SNTG1: variants seen among roughly 807,000 people sequenced by gnomAD.
The protein encoded by SNTG1 is syntrophin gamma 1.
A neutral mutation model predicts 74.7 loss-of-function variants in SNTG1; 39 were observed. The ratio of observed to expected loss-of-function variants is 0.52; its 90% CI spans 0.40 to 0.68. The LOEUF is 0.68. Among genes scored for constraint, SNTG1 ranks in the 30% least tolerant of loss-of-function variants. The pLI, the probability that SNTG1 is intolerant of heterozygous loss-of-function variation, is 0.00. For missense variants in SNTG1, 685 were observed against 609.5 expected, an observed-to-expected ratio of 1.12 and a Z score of -1.30; for synonymous variants, 254 against 217.1, an observed-to-expected ratio of 1.17 and a Z score of -1.49.
chr8:50,113,113 T>C (rs574694972), intron 1 of SNTG1, among the ~76,000 whole-genome samples: 56 of 152,240 alleles, frequency 3.7e-4, no homozygotes, highest in Non-Finnish European at 7.6e-4. Flanking sequence ...AATTTTAAAG[T>C]AGTTTTTTTC....
intron 1 of SNTG1, among the ~76,000 whole-genome samples, chr8:49,998,209 T>C (rs1203010072): frequency 2.6e-5 from 4 of 152,124 alleles, no homozygotes; most frequent in Non-Finnish European, 2.9e-5. Flanking sequence ...TATGCTTATA[T>C]TGGGAACTTA....
At chr8:50,105,806 C>G (rs548487177) in intron 1 of SNTG1, among the ~76,000 whole-genome samples, 1 of 151,876 alleles carries the variant, frequency 6.6e-6, no homozygotes, top group Non-Finnish European at 1.5e-5. Flanking sequence ...TGAGTGAGAT[C>G]GCATTCTGAA....
At chr8:50,722,263 C>T (rs1413347901) in intron 17 of SNTG1, among the ~76,000 whole-genome samples, 1 of 151,328 alleles carries the variant, frequency 6.6e-6, no homozygotes, top group African/African-American at 2.4e-5. Flanking sequence ...CAACATCCAC[C>T]TCCCAGGTTC....
At chr8:50,216,363 A>G (rs2084792614) in intron 2 of SNTG1, among the ~76,000 whole-genome samples, 1 of 152,216 alleles carries the variant, frequency 6.6e-6, no homozygotes, top group African/African-American at 2.4e-5. Flanking sequence ...ATGTAGAACT[A>G]TCTTTTCAGT....
intron 1 of SNTG1, among the ~76,000 whole-genome samples, chr8:50,105,549 A>T (rs1159216962): frequency 6.6e-6 from 1 of 151,688 alleles, no homozygotes; most frequent in Non-Finnish European, 1.5e-5. Flanking sequence ...TCTTCAAATA[A>T]TTTTTTTCTA....
At chr8:50,541,380 T>C (rs1010366085) in intron 11 of SNTG1, among the ~76,000 whole-genome samples, 3 of 152,050 alleles carry the variant, frequency 2.0e-5, no homozygotes, top group Non-Finnish European at 4.4e-5. Context: ...CATTCTCCTG[T>C]AGTCCTTCCA....
intron 2 of SNTG1, among the ~76,000 whole-genome samples, chr8:50,204,048 A>T (rs967488797): frequency 6.6e-6 from 1 of 152,112 alleles, no homozygotes; most frequent in Non-Finnish European, 1.5e-5. Context: ...TTTAGTAGAT[A>T]CATTTTGTAT....
chr8:50,235,769 C>T (rs2085859153), intron 2 of SNTG1, among the ~76,000 whole-genome samples: 2 of 151,958 alleles, frequency 1.3e-5, no homozygotes, highest in Non-Finnish European at 1.5e-5. Flanking sequence ...TCCCTAAATG[C>T]ATGGGAAGAC....
intron 2 of SNTG1, among the ~76,000 whole-genome samples, chr8:50,217,826 C>T (rs182744235): frequency 6.6e-6 from 1 of 152,252 alleles, no homozygotes; most frequent in East Asian, 1.9e-4. Flanking sequence ...TGTTTCCACA[C>T]CACTGAGCAA....
At chr8:49,997,648 T>C (rs1814353016) in intron 1 of SNTG1, among the ~76,000 whole-genome samples, 1 of 152,150 alleles carries the variant, frequency 6.6e-6, no homozygotes, top group Admixed American at 6.6e-5. Flanking sequence ...ATCATTCCCA[T>C]ACCCTAGAAA....
intron 11 of SNTG1, among the ~76,000 whole-genome samples, chr8:50,544,874 G>A (rs1279871049): frequency 6.6e-6 from 1 of 152,000 alleles, no homozygotes; most frequent in Non-Finnish European, 1.5e-5. Context: ...TAGATTCAGT[G>A]AGGGAGTGGG....
chr8:50,775,073 G>C (rs1387086010), intron 18 of SNTG1, among the ~76,000 whole-genome samples: 4 of 150,744 alleles, frequency 2.7e-5, no homozygotes, highest in African/African-American at 9.7e-5. Context: ...GAAAAATAAA[G>C]GAACAAAGAT....
intron 2 of SNTG1, among the ~76,000 whole-genome samples, chr8:50,320,752 C>T (rs1368785544): frequency 6.6e-6 from 1 of 151,850 alleles, no homozygotes; most frequent in Non-Finnish European, 1.5e-5. Flanking sequence ...CAATTTTCTT[C>T]TCAATTTCTT....
chr8:50,327,904 T>G (rs2090815988), intron 2 of SNTG1, among the ~76,000 whole-genome samples: 1 of 152,172 alleles, frequency 6.6e-6, no homozygotes, highest in African/African-American at 2.4e-5. Flanking sequence ...TTCAAATAAC[T>G]ACTTCTCTTC....
At chr8:50,388,732 A>T (rs2092612070) in intron 2 of SNTG1, among the ~76,000 whole-genome samples, 1 of 152,202 alleles carries the variant, frequency 6.6e-6, no homozygotes. Context: ...GAGGCTGTTC[A>T]ACTTATTTGA....
intron 9 of SNTG1, among the ~76,000 whole-genome samples, chr8:50,508,579 C>A (rs1002222240): frequency 6.6e-6 from 1 of 152,184 alleles, no homozygotes; most frequent in Non-Finnish European, 1.5e-5. Flanking sequence ...TCTCCAGCAC[C>A]TGTTGTTTCC....
intron 1 of SNTG1, among the ~76,000 whole-genome samples, chr8:50,054,713 C>A (rs1450526006): frequency 1.3e-5 from 2 of 152,020 alleles, no homozygotes; most frequent in Non-Finnish European, 2.9e-5. Flanking sequence ...ACTCCGTTCC[C>A]CAAGCTAGAG....
intron 2 of SNTG1, among the ~76,000 whole-genome samples, chr8:50,185,626 G>A (rs1236346286): frequency 3.3e-5 from 5 of 152,086 alleles, no homozygotes; most frequent in South Asian, 2.1e-4. Context: ...ATATTTATCA[G>A]ACAATATAAG....
At chr8:50,530,919 C>A (rs192844) in intron 10 of SNTG1, among the ~76,000 whole-genome samples, 20,649 of 152,058 alleles carry the variant, frequency 0.14, 1,517 homozygotes, top group African/African-American at 0.18. Context: ...AAATAATTTT[C>A]TCTGGTTATA....
Sources: allele counts gnomAD v4.1 joint callset (sites outside exome capture counted in the v4.1 genomes callset), GRCh38; gene constraint gnomAD v4.1.1; transcripts MANE v1.5; gene names NCBI Gene and HGNC (gene_info 2026-07-23, HGNC 2026-07-21).